The following ZFHX3 variants were observed in gnomAD, a reference collection of about 807,000 sequenced individuals.
ZFHX3 encodes the protein zinc finger homeobox 3.
Under a neutral mutation model 279.1 loss-of-function variants are expected in ZFHX3, and 42 were observed. The ratio of observed to expected loss-of-function variants is 0.15; its 90% CI spans 0.12 to 0.19. The LOEUF (loss-of-function observed/expected upper bound fraction) is 0.19, where lower values mean the gene tolerates loss of function less well. Among genes scored for constraint, ZFHX3 ranks in the 10% least tolerant of loss-of-function variants. The pLI is 1.00. For synonymous variants in ZFHX3, 2,293 were observed against 1,957.8 expected, an observed-to-expected ratio of 1.17 and a Z score of -4.52; for missense variants, 4,981 against 4,754.0, an observed-to-expected ratio of 1.05 and a Z score of -1.40.
intron 2 of ZFHX3, among the ~76,000 whole-genome samples, chr16:73,605,688 A>G (rs1349541127): frequency 6.6e-6 from 1 of 151,576 alleles, no homozygotes; most frequent in Non-Finnish European, 1.5e-5. Context: ...GGTCTAGGGC[A>G]TAGAACTGGG....
intron 5 of ZFHX3, among the ~76,000 whole-genome samples, chr16:73,156,873 C>A (rs376950419): frequency 5.9e-5 from 9 of 152,228 alleles, no homozygotes; most frequent in African/African-American, 2.2e-4. Context: ...GCCGCCACGC[C>A]CAGCTAATTT....
chr16:73,011,247 G>A (rs1231077610), intron 1 of ZFHX3, among the ~76,000 whole-genome samples: 1 of 151,852 alleles, frequency 6.6e-6, no homozygotes, highest in African/African-American at 2.4e-5. Context: ...GCCTCCCAAT[G>A]TGCTGGGATT....
chr16:72,835,327 CCATTATAATGGAAATAT>C (rs2037163488), intron 4 of ZFHX3, among the ~76,000 whole-genome samples: 1 of 152,040 alleles, frequency 6.6e-6, no homozygotes, highest in Admixed American at 6.6e-5. Context: ...CACCCACTTT[CCATTATAATGGAAATAT>C]CAGGCCTGTT....
intron 1 of ZFHX3, among the ~76,000 whole-genome samples, chr16:73,720,141 A>T (rs112756853): frequency 1.2e-4 from 19 of 152,344 alleles, no homozygotes; most frequent in African/African-American, 4.6e-4. Flanking sequence ...TTTCTTTTTA[A>T]CACACTGGCA....
chr16:73,011,400 A>C (rs1313745816), intron 1 of ZFHX3, among the ~76,000 whole-genome samples: 2 of 151,862 alleles, frequency 1.3e-5, no homozygotes, highest in Non-Finnish European at 2.9e-5. Context: ...CCAAAGCACT[A>C]GGATTACAGG....
intron 3 of ZFHX3, among the ~76,000 whole-genome samples, chr16:73,336,380 C>T (rs2015913208): frequency 6.8e-6 from 1 of 147,788 alleles, no homozygotes; most frequent in Admixed American, 6.8e-5. Flanking sequence ...GGTCCTTACC[C>T]TCCTCCCACC....
At chr16:73,233,108 C>CAAAAAAAAA (rs58902113) in intron 5 of ZFHX3, 2 of 102,886 alleles carry the variant, frequency 1.9e-5, no homozygotes, top group African/African-American at 7.9e-5. Context: ...GGACCAGAGC[C>CAAAAAAAAA]AAAAAAAAAA....
At chr16:73,743,410 T>A (rs556717526) in intron 1 of ZFHX3, among the ~76,000 whole-genome samples, 1 of 152,208 alleles carries the variant, frequency 6.6e-6, no homozygotes, top group Non-Finnish European at 1.5e-5. Flanking sequence ...TTTGAACGCT[T>A]ATGGAAGCAT....
At chr16:73,377,250 G>T (rs1050926141) in intron 3 of ZFHX3, among the ~76,000 whole-genome samples, 18 of 152,110 alleles carry the variant, frequency 1.2e-4, no homozygotes, top group African/African-American at 3.9e-4. Context: ...GGGATTACAG[G>T]CGTGAGACAC....
At chr16:73,362,384 A>G (rs2016447984) in intron 3 of ZFHX3, among the ~76,000 whole-genome samples, 1 of 152,198 alleles carries the variant, frequency 6.6e-6, no homozygotes, top group African/African-American at 2.4e-5. Context: ...ATGGCCCAGG[A>G]ACAGAGTCAG....
At position 72,834,821 on chromosome 16, in the gene ZFHX3, AG is replaced by A. The variant is rs1168375426; in HGVS notation, c.3449-4963del. On this transcript the variant is annotated intron_variant, in intron 4 of 9. Transcript: ENST00000268489. ...AGCTGTTTAAAAAAGAAAAAAAAAA[AG>A]GTACTATTTTCCCAAATAATGGGGG... is the stretch of plus-strand genomic sequence containing the variant. 3.9e-5 allele frequency among the ~76,000 whole-genome samples: 6 copies of A among 152,260 alleles called. No homozygotes were observed. In the East Asian group the frequency reaches 1.2e-3, roughly 29 times the overall value.
chr16:72,951,552 G>A (rs1053314090), intron 2 of ZFHX3, among the ~76,000 whole-genome samples: 12 of 152,116 alleles, frequency 7.9e-5, no homozygotes, highest in African/African-American at 2.7e-4. Context: ...ATGAGCCACC[G>A]CGCCCAGCCA....
intron 1 of ZFHX3, among the ~76,000 whole-genome samples, chr16:73,726,687 C>T (rs775848189): frequency 2.0e-5 from 3 of 152,106 alleles, no homozygotes; most frequent in East Asian, 1.9e-4. Flanking sequence ...GCCCATCACA[C>T]GCAACAGCGG....
chr16:72,842,121 C>CAGTTG (rs2037358181), intron 4 of ZFHX3, among the ~76,000 whole-genome samples: 1 of 152,212 alleles, frequency 6.6e-6, no homozygotes, highest in Non-Finnish European at 1.5e-5. Context: ...GTACACACTG[C>CAGTTG]AGTTGGCGGA....
intron 5 of ZFHX3, among the ~76,000 whole-genome samples, chr16:73,147,565 G>A (rs922205753): frequency 3.3e-5 from 5 of 150,972 alleles, no homozygotes; most frequent in African/African-American, 1.2e-4. Context: ...GGTAGCGGGC[G>A]CCTGTAGTCC....
Position 72,785,482 on chromosome 16 carries a change from A to C in ZFHX3, c.*1682T>G, listed in dbSNP as rs931276886. ...TCTGCTTGCAGAAGAAGCACATAACAACCTGGGAATCTTTTGTTTTTCTCT... is the reference window on the plus strand; with the variant it reads ...TCTGCTTGCAGAAGAAGCACATAACCACCTGGGAATCTTTTGTTTTTCTCT... On this transcript the variant is annotated 3_prime_UTR_variant, in exon 10 of 10. Transcript: ENST00000268489. The C allele has an allele frequency of 3.3e-5, 5 of 152,648 alleles. No homozygotes were observed. The highest frequency in any genetic ancestry group is 5.9e-5 in the Non-Finnish European group (4 of 68,036). 9.5% of individuals were successfully genotyped at this position (152,648 alleles called of 1,614,324 possible).
chr16:73,856,864 T>C (rs328311), intron 1 of ZFHX3, among the ~76,000 whole-genome samples: 10,432 of 152,270 alleles, frequency 0.069, 867 homozygotes, highest in African/African-American at 0.2. Context: ...GTATAAAGCA[T>C]ACAGAAAAAA....
In ZFHX3 at chr16:73,410,995, C is replaced by T. The variant is rs530988989; in HGVS notation, c.-1291+45008G>A. 2.0e-5 allele frequency among the ~76,000 whole-genome samples: 3 copies of T among 152,310 alleles called. No homozygotes were observed. In the South Asian group the frequency reaches 6.2e-4, roughly 32 times the overall value. ...TCCAGTTGTCATCCCACCGACATAG[C>T]ACAGAGCTCTGATACATAAGATGGA... On this transcript the variant is annotated intron_variant, in intron 3 of 17. Coordinates refer to the ZFHX3 transcript ENST00000641206.
intron 4 of ZFHX3, among the ~76,000 whole-genome samples, chr16:72,833,300 G>A (rs1158951608): frequency 6.6e-6 from 1 of 152,218 alleles, no homozygotes; most frequent in Non-Finnish European, 1.5e-5. Flanking sequence ...ACACGTGCTG[G>A]AGAATGGAGG....
Sources: allele counts gnomAD v4.1 joint callset (sites outside exome capture counted in the v4.1 genomes callset), GRCh38; gene constraint gnomAD v4.1.1; transcripts MANE v1.5; gene names NCBI Gene and HGNC (gene_info 2026-07-23, HGNC 2026-07-21).